The following ZNF394 variants were observed in gnomAD, a reference collection of about 807,000 sequenced individuals.
ZNF394 encodes the protein zinc finger protein 394.
In ZNF394, 19 loss-of-function variants were observed where a neutral mutation model predicts 21.8. The ratio of observed to expected loss-of-function variants is 0.87; its 90% confidence interval spans 0.61 to 1.28. The LOEUF (loss-of-function observed/expected upper bound fraction) is 1.28, where lower values mean the gene tolerates loss of function less well. ZNF394 is among the 50% of genes most tolerant of loss of function. The probability of loss-of-function intolerance (pLI) is 0.00; values close to 1 mark genes in which losing one functional copy is unlikely to be tolerated. For synonymous variants in ZNF394, 294 were observed against 273.3 expected, an observed-to-expected ratio of 1.08 and a Z score of -0.75; for missense variants, 683 against 708.6, an observed-to-expected ratio of 0.96 and a Z score of 0.41.
chr7:99,488,322 AG>A (rs1396666562), downstream of ZNF394, among the ~76,000 whole-genome samples: 1 of 150,684 alleles, frequency 6.6e-6, no homozygotes, highest in Non-Finnish European at 1.5e-5. Flanking sequence ...GAATCACTTG[AG>A]GTCAGTTCAA....
chr7:99,493,056 T>C (rs79539933), downstream of ZNF394, among the ~76,000 whole-genome samples: 168 of 152,292 alleles, frequency 1.1e-3, 3 homozygotes, highest in East Asian at 0.026. Context: ...TCAGCTCACA[T>C]TTCAGAAGGC....
intron 1 of ZNF394, chr7:99,487,372 C>G (rs1322571877): frequency 6.2e-7 from 1 of 1,614,196 alleles, no homozygotes; most frequent in South Asian, 1.1e-5. Context: ...TTTTCGACAT[C>G]AGGTCATTCA....
chr7:99,488,311 A>C (rs1159657651), downstream of ZNF394, among the ~76,000 whole-genome samples: 1 of 150,900 alleles, frequency 6.6e-6, no homozygotes, highest in Non-Finnish European at 1.5e-5. Context: ...CTGAGGCTGG[A>C]GAATCACTTG....
At chr7:99,488,735 C>G (rs1185990856), downstream of ZNF394, among the ~76,000 whole-genome samples, 1 of 150,910 alleles carries the variant, frequency 6.6e-6, no homozygotes, top group African/African-American at 2.4e-5. Flanking sequence ...CAGGACAAGC[C>G]TAGCCAAGAT....
At chr7:99,487,667 AAC>A (rs1240118140) in intron 1 of ZNF394, 2 of 683,014 alleles carry the variant, frequency 2.9e-6, no homozygotes, top group Non-Finnish European at 4.7e-6. Flanking sequence ...TAGCTTGGGC[AAC>A]ACAGTGAGAT....
chr7:99,490,042 A>C (rs1320887793), downstream of ZNF394, among the ~76,000 whole-genome samples: 1 of 151,778 alleles, frequency 6.6e-6, no homozygotes, highest in African/African-American at 2.4e-5. Flanking sequence ...GGCCAGGTGC[A>C]CTGCGTCATG....
Position 99,494,564 on chromosome 7 carries a change from T to C in ZNF394, c.651A>G (p.Pro217=). The C allele has an allele frequency of 6.2e-7, 1 of 1,608,014 alleles. No homozygotes were observed. The highest frequency in any genetic ancestry group is 1.1e-5 in the South Asian group (1 of 89,774). ...PMQQILEEAE[P]QGQLQEAFQG... The stretch of plus-strand genomic sequence containing the variant: ...GGAACGCTTCTTGTAGTTGCCCCTG[T>C]GGCTCCGCTTCTTCTAAAATTTGTT... The change falls in exon 3 of 3, where the codon CCA becomes CCG. Residue 217 remains proline (P), a synonymous_variant. Coordinates refer to ENST00000337673, the MANE Select transcript of ZNF394 (RefSeq NM_032164.4).
rs1250412672 is a variant in ZNF394, at chr7:99,500,116, T to C, written c.-23A>G. 2.6e-6 allele frequency: 4 copies of C among 1,515,444 alleles called. No homozygotes were observed. The South Asian group carries it at 3.9e-5, about 15-fold the overall frequency. 93.9% of individuals were successfully genotyped at this position (1,515,444 alleles called of 1,614,324 possible). Reference sequence around the variant, plus strand: ...CATCTTTCTCCGGCATGTGCTGCCCTTCCTGGAGTCTTCTTTTCAGGTGAA... The same window carrying C: ...CATCTTTCTCCGGCATGTGCTGCCCCTCCTGGAGTCTTCTTTTCAGGTGAA... On this transcript the variant is annotated 5_prime_UTR_variant, in exon 1 of 3. Coordinates refer to ENST00000337673, the MANE Select transcript of ZNF394 (RefSeq NM_032164.4).
At chr7:99,494,679 C>G in intron 2 of ZNF394, 48 bp from the exon 3 acceptor site, 1 of 1,517,326 alleles carries the variant, frequency 6.6e-7, no homozygotes. Flanking sequence ...CTGTGCAACA[C>G]AGAAATAAGC....
intron 2 of ZNF394, among the ~76,000 whole-genome samples, chr7:99,497,085 TAC>T (rs1414971587): frequency 2.9e-5 from 3 of 102,506 alleles, no homozygotes; most frequent in African/African-American, 1.3e-4. Flanking sequence ...TATACATACA[TAC>T]GTGTGTGTGT....
At position 99,493,553 on chromosome 7, in the gene ZNF394, A is replaced by G; in HGVS notation, c.1662T>C (p.Ala554=). 2 of 1,609,592 alleles carry G rather than the reference A, an allele frequency of 1.2e-6. No homozygotes were observed. The highest frequency in any genetic ancestry group is 1.7e-6 in the Non-Finnish European group (2 of 1,177,164). Reference sequence around the variant, plus strand: ...ATTATAGGCGTGAGCCACCACGCCCAGCCGACAGCACTTTATTTTGATGAA... The same window carrying G: ...ATTATAGGCGTGAGCCACCACGCCCGGCCGACAGCACTTTATTTTGATGAA... ...QRIHQNKVLS[A]GRGGSRL Residue 554 remains alanine (A), a synonymous_variant, in exon 3 of 3, where the codon GCT becomes GCC. Transcript: ENST00000337673.
chr7:99,491,051 C>G (rs1375900622), downstream of ZNF394, among the ~76,000 whole-genome samples: 1 of 151,978 alleles, frequency 6.6e-6, no homozygotes, highest in Non-Finnish European at 1.5e-5. Context: ...CAAGCAGAGG[C>G]CTCTATTACA....
chr7:99,486,682 C>T (rs748857202), exon 2 of ZNF394: 46 of 1,614,054 alleles, frequency 2.8e-5, no homozygotes, highest in Non-Finnish European at 3.8e-5. Flanking sequence ...CCTTCAAAAC[C>T]TTAACCTTAT....
At chr7:99,486,665 G>A (rs755405288) in exon 2 of ZNF394, 1 of 1,614,212 alleles carries the variant, frequency 6.2e-7, no homozygotes, top group South Asian at 1.1e-5. Flanking sequence ...GAATACAGCA[G>A]GGGCTTCCTT....
intron 2 of ZNF394, among the ~76,000 whole-genome samples, chr7:99,496,870 C>G (rs1800328624): frequency 6.6e-6 from 1 of 151,524 alleles, no homozygotes; most frequent in African/African-American, 2.4e-5. Flanking sequence ...CCGTACCCAG[C>G]CAACAGCAAA....
chr7:99,486,544 T>TA (rs747534239), exon 2 of ZNF394: 1 of 1,614,176 alleles, frequency 6.2e-7, no homozygotes, highest in South Asian at 1.1e-5. Context: ...TTTAGAGTCA[T>TA]ATAAGATATC....
intron 1 of ZNF394, 70 bp downstream of exon 1, chr7:99,499,568 G>A: frequency 3.5e-6 from 5 of 1,411,094 alleles, no homozygotes; most frequent in Admixed American, 2.3e-5. Flanking sequence ...AGTAAGTTCC[G>A]AAACGCAGAG....
chr7:99,499,939 T>C lies in ZNF394; in HGVS notation c.155A>G (p.Asn52Ser), dbSNP rs747798897. The C allele has an allele frequency of 1.9e-6, 3 of 1,614,030 alleles. No individual in the cohort carries two copies. Among genetic ancestry groups the C allele is most frequent in the South Asian group, 1.1e-5 (1 of 91,080 alleles). Residue 52 changes from asparagine to serine, a missense_variant, in exon 1 of 3, where the codon AAC becomes AGC. By Grantham distance (46) the Asn-to-Ser change is conservative. Around this residue, in one of 3 missense-constraint regions of ZNF394, gnomAD observed 402 missense variants for 373.8 expected, o/e 1.08. Coordinates refer to ENST00000337673, the MANE Select transcript of ZNF394 (RefSeq NM_032164.4). ...GGGGTCCGGCGAAGCCGCGGGATAG[T>C]TGGGCTCCCAACTTCCGGGTGAGTC... Reference protein sequence around the residue: ...EEDSPGSWEPNYPAASPDPET... With the variant: ...EEDSPGSWEPSYPAASPDPET...
At chr7:99,497,168 CT>C (rs1327218917) in intron 2 of ZNF394, among the ~76,000 whole-genome samples, 9 of 88,336 alleles carry the variant, frequency 1.0e-4, no homozygotes, top group African/African-American at 2.9e-4. Context: ...AATGTTTTTT[CT>C]TTTTTTTTTG....
Sources: allele counts gnomAD v4.1 joint callset (sites outside exome capture counted in the v4.1 genomes callset), GRCh38; gene constraint gnomAD v4.1.1; regional missense constraint gnomAD v4.1.1; transcripts MANE v1.5; gene names NCBI Gene and HGNC (gene_info 2026-07-23, HGNC 2026-07-21).